The following TEX264 variants were observed in gnomAD, a reference collection of about 807,000 sequenced individuals.
The protein encoded by TEX264 is testis-expressed protein 264.
TEX264 carries 13 observed loss-of-function variants against 23.4 expected under a neutral mutation model. The observed-to-expected ratio is 0.56, with a 90% CI of 0.36 to 0.88. The LOEUF (loss-of-function observed/expected upper bound fraction) is 0.88, where lower values mean the gene tolerates loss of function less well. Ranked by LOEUF, TEX264 falls within the 40% of genes least tolerant of loss-of-function variation. TEX264 has a pLI of 0.01. For synonymous variants in TEX264, 159 were observed against 170.0 expected (o/e 0.94, Z 0.50); for missense variants, 340 against 406.8 (o/e 0.84, Z 1.41).
chr3:51,695,673 C>A (rs1703029063), intron 3 of TEX264, among the ~76,000 whole-genome samples: 1 of 152,162 alleles, frequency 6.6e-6, no homozygotes, highest in Non-Finnish European at 1.5e-5. Flanking sequence ...GGGGTAAATG[C>A]CTGCACCCTG....
chr3:51,686,243 G>T lies in TEX264; in HGVS notation c.480+1609G>T, dbSNP rs913711007. Among the ~76,000 whole-genome samples, 1 of 152,232 alleles carries T rather than the reference G, an allele frequency of 6.6e-6. No homozygotes were observed. The highest frequency in any genetic ancestry group is 2.4e-5 in the African/African-American group (1 of 41,456). Reference sequence around the variant, plus strand: ...CTGCCTCTGTGGGACCAGGTAGGCAGTGGACAGCCTGTGGCAGCAAAGGCT... The same window carrying T: ...CTGCCTCTGTGGGACCAGGTAGGCATTGGACAGCCTGTGGCAGCAAAGGCT... On this transcript the variant is annotated intron_variant, in intron 3 of 4. Transcript: ENST00000341333. The surrounding 1 kb of genome is among the most constrained non-coding windows in gnomAD (Gnocchi z 4.1).
intron 3 of TEX264, among the ~76,000 whole-genome samples, chr3:51,687,680 G>C (rs967002639): frequency 1.1e-4 from 16 of 152,206 alleles, no homozygotes; most frequent in African/African-American, 3.6e-4. Flanking sequence ...AGGAGTTGCG[G>C]GGGGAGGACT....
chr3:51,702,299 C>T (rs1191813896), intron 4 of TEX264, among the ~76,000 whole-genome samples: 2 of 152,172 alleles, frequency 1.3e-5, no homozygotes, highest in East Asian at 1.9e-4. Context: ...TAAAGCTCCC[C>T]CAGCTCCCTG....
chr3:51,702,103 C>G (rs759177135), intron 4 of TEX264, among the ~76,000 whole-genome samples: 4 of 152,130 alleles, frequency 2.6e-5, no homozygotes, highest in Admixed American at 6.5e-5. Flanking sequence ...CATTCCTATA[C>G]CTGGGGTCCC....
At chr3:51,671,797 G>A (rs1702053210) in intron 1 of TEX264, 1 of 152,338 alleles carries the variant, frequency 6.6e-6, no homozygotes, top group Non-Finnish European at 1.5e-5. Flanking sequence ...TAGCACCGAA[G>A]TTTAGCCCAG....
intron 3 of TEX264, among the ~76,000 whole-genome samples, chr3:51,690,249 A>G (rs1337649214): frequency 2.0e-5 from 3 of 152,166 alleles, no homozygotes; most frequent in Non-Finnish European, 2.9e-5. Flanking sequence ...ACAGGTGAGG[A>G]CGCCACGTGT....
At chr3:51,672,920 G>A (rs1702099576) in intron 1 of TEX264, among the ~76,000 whole-genome samples, 1 of 152,342 alleles carries the variant, frequency 6.6e-6, no homozygotes, top group East Asian at 1.9e-4. Context: ...GAGACAAGAT[G>A]AGTAGGACAG....
chr3:51,679,735 G>C (rs1213053020), intron 2 of TEX264, among the ~76,000 whole-genome samples: 1 of 152,174 alleles, frequency 6.6e-6, no homozygotes, highest in Non-Finnish European at 1.5e-5. Flanking sequence ...TTAGGATTCT[G>C]TTTGAAGGTG....
intron 3 of TEX264, among the ~76,000 whole-genome samples, chr3:51,693,371 C>A (rs1702898493): frequency 6.6e-6 from 1 of 152,220 alleles, no homozygotes; most frequent in South Asian, 2.1e-4. Flanking sequence ...CCTGGACCTG[C>A]CTCCCTGGCT....
intron 1 of TEX264, among the ~76,000 whole-genome samples, chr3:51,672,909 G>A (rs1320826006): frequency 6.6e-6 from 1 of 152,194 alleles, no homozygotes; most frequent in African/African-American, 2.4e-5. Context: ...GAAAGTTACT[G>A]GAGACAAGAT....
rs149787907 is a variant in TEX264 at position 51,692,865 on chromosome 3, C to G, written c.481-6541C>G. On this transcript the variant is annotated intron_variant, in intron 3 of 4. Coordinates refer to ENST00000341333, the MANE Select transcript of TEX264 (RefSeq NM_015926.6). ...CTAGCTGAGCTCTCCTTGGGGTACT[C>G]ACTCCTGTACTCCCCAACCCTCTGG... Among the ~76,000 whole-genome samples, 3 of 152,208 alleles carry G rather than the reference C, an allele frequency of 2.0e-5. No homozygotes were observed. The South Asian group carries it at 6.2e-4, about 31-fold the overall frequency.
intron 2 of TEX264, among the ~76,000 whole-genome samples, chr3:51,675,516 C>T (rs1702200696): frequency 6.6e-6 from 1 of 152,194 alleles, no homozygotes; most frequent in Non-Finnish European, 1.5e-5. Flanking sequence ...GTGCCAGGTT[C>T]TACTCTACAC....
chr3:51,679,800 G>C (rs1702359388), intron 2 of TEX264, among the ~76,000 whole-genome samples: 1 of 152,158 alleles, frequency 6.6e-6, no homozygotes, highest in African/African-American at 2.4e-5. Context: ...ACCTTTGAGG[G>C]CTGGTATCTT....
rs1010086649 is a variant in TEX264, at chr3:51,674,266, T to G, written c.-34-5T>G. The G allele has an allele frequency of 1.2e-6, 2 of 1,611,246 alleles. No individual in the cohort carries two copies. Among genetic ancestry groups the G allele is most frequent in the Non-Finnish European group, 8.5e-7 (1 of 1,177,624 alleles). ...AGCCTCCTCTCCCTTCTTTCTCCTT[T>G]GCAGCTGCCTTGAGGTGCAGTGTTG... On this transcript the variant is annotated splice_polypyrimidine_tract_variant and splice_region_variant and intron_variant, in intron 1 of 4. Coordinates refer to ENST00000341333, the MANE Select transcript of TEX264 (RefSeq NM_015926.6).
At chr3:51,695,391 T>G (rs1703016390) in intron 3 of TEX264, among the ~76,000 whole-genome samples, 1 of 152,350 alleles carries the variant, frequency 6.6e-6, no homozygotes, top group Admixed American at 6.5e-5. Flanking sequence ...CTGGGTAGCC[T>G]GGGAGTGGGA....
rs556655225 is a variant in TEX264 at position 51,686,834 on chromosome 3, C to T, written c.480+2200C>T. ...AACCTCATGGGCCCATCTGGAGGGGCACCCCTGGGAAAGAGACTTCTTGGG... is the reference window on the plus strand; with the variant it reads ...AACCTCATGGGCCCATCTGGAGGGGTACCCCTGGGAAAGAGACTTCTTGGG... On this transcript the variant is annotated intron_variant, in intron 3 of 4. Coordinates refer to ENST00000341333, the MANE Select transcript of TEX264 (RefSeq NM_015926.6). The surrounding 1 kb of genome is among the most constrained non-coding windows in gnomAD (Gnocchi z 4.1). 1.8e-4 allele frequency among the ~76,000 whole-genome samples: 28 copies of T among 152,300 alleles called. No homozygotes were observed. Among genetic ancestry groups the T allele is most frequent in the African/African-American group, 6.5e-4 (27 of 41,558 alleles).
At chr3:51,673,071 GAC>G (rs1375999546) in intron 1 of TEX264, among the ~76,000 whole-genome samples, 3 of 152,162 alleles carry the variant, frequency 2.0e-5, no homozygotes, top group Admixed American at 2.0e-4. Context: ...TGACTCCAAA[GAC>G]AATTTTTTTT....
intron 4 of TEX264, among the ~76,000 whole-genome samples, chr3:51,702,155 T>G (rs1231441598): frequency 1.3e-5 from 2 of 152,064 alleles, no homozygotes; most frequent in Non-Finnish European, 2.9e-5. Context: ...ACATACAGTT[T>G]AATAGGGCCA....
intron 2 of TEX264, among the ~76,000 whole-genome samples, chr3:51,681,032 C>T (rs188273678): frequency 3.3e-5 from 5 of 152,290 alleles, no homozygotes; most frequent in Admixed American, 3.3e-4. Context: ...TTGCATGGGG[C>T]CACTTAGTGG....
Sources: allele counts gnomAD v4.1 joint callset (sites outside exome capture counted in the v4.1 genomes callset), GRCh38; gene constraint gnomAD v4.1.1; non-coding constraint Gnocchi (gnomAD v3.1); transcripts MANE v1.5; gene names NCBI Gene and HGNC (gene_info 2026-07-23, HGNC 2026-07-21).